The following EPHA6 variants were observed in gnomAD, a reference collection of about 807,000 sequenced individuals.
EPHA6 encodes ephrin type-A receptor 6.
A neutral mutation model predicts 112.0 loss-of-function variants in EPHA6; 50 were observed. The observed-to-expected ratio is 0.45, with a 90% CI of 0.36 to 0.56. The LOEUF (loss-of-function observed/expected upper bound fraction) is 0.56. Ranked by LOEUF, EPHA6 falls within the 20% of genes least tolerant of loss-of-function variation. The pLI is 0.00. For missense variants in EPHA6, 1,280 were observed against 1,417.4 expected, an observed-to-expected ratio of 0.90 and a Z score of 1.56; for synonymous variants, 529 against 490.7, an observed-to-expected ratio of 1.08 and a Z score of -1.03.
At chr3:97,112,327 A>C (rs1441392628) in intron 3 of EPHA6, among the ~76,000 whole-genome samples, 5 of 152,146 alleles carry the variant, frequency 3.3e-5, no homozygotes, top group Non-Finnish European at 5.9e-5. Flanking sequence ...ACAACCATTC[A>C]TGAGTTCTGT....
rs77035215 is a variant in EPHA6 at position 97,239,971 on chromosome 3, G to T, written c.1271-3981G>T. ...TACTGGCTGTCATTCTACCACTAAT[G>T]GACTGCATAACCTTAATGTAATTAT... On this transcript the variant is annotated intron_variant, in intron 4 of 17. Coordinates refer to ENST00000389672, the MANE Select transcript of EPHA6 (RefSeq NM_001080448.3). 5.3e-5 allele frequency among the ~76,000 whole-genome samples: 8 copies of T among 151,710 alleles called. No homozygotes were observed. In the East Asian group the frequency reaches 1.4e-3, roughly 26 times the overall value.
intron 3 of EPHA6, among the ~76,000 whole-genome samples, chr3:97,160,921 C>T (rs559755142): frequency 2.0e-5 from 3 of 152,236 alleles, no homozygotes; most frequent in South Asian, 4.2e-4. Context: ...CCAGGCTTTT[C>T]TTTTGTTTCA....
At chr3:96,944,951 A>G (rs1485986081) in intron 2 of EPHA6, among the ~76,000 whole-genome samples, 1 of 152,072 alleles carries the variant, frequency 6.6e-6, no homozygotes, top group Non-Finnish European at 1.5e-5. Flanking sequence ...AAAACAAACA[A>G]ACAACAAAAA....
rs191242131 is a variant in EPHA6 at position 96,897,989 on chromosome 3, G to A, written c.450+31100G>A. Among the ~76,000 whole-genome samples the A allele has an allele frequency of 5.3e-4, 81 of 152,106 alleles. No homozygotes were observed. The East Asian group carries it at 7.2e-3, about 13-fold the overall frequency. ...GGCAAAATATTTTATCCCTCATTGC[G>A]TAATTTTAAATCTTAAATATTTTAA... On this transcript the variant is annotated intron_variant, in intron 2 of 17. Coordinates refer to ENST00000389672, the MANE Select transcript of EPHA6 (RefSeq NM_001080448.3).
intron 7 of EPHA6, among the ~76,000 whole-genome samples, chr3:97,469,972 T>C (rs1053265771): frequency 1.3e-5 from 2 of 151,564 alleles, no homozygotes; most frequent in South Asian, 2.1e-4. Context: ...AAATGCAAAA[T>C]CAAGGATAAC....
At chr3:97,188,313 A>C (rs2077211037) in intron 3 of EPHA6, among the ~76,000 whole-genome samples, 1 of 152,090 alleles carries the variant, frequency 6.6e-6, no homozygotes, top group Admixed American at 6.6e-5. Context: ...AGCATGGATA[A>C]CTCAAGAATT....
chr3:97,010,767 T>C (rs2044057403), intron 3 of EPHA6, among the ~76,000 whole-genome samples: 1 of 152,216 alleles, frequency 6.6e-6, no homozygotes, highest in Admixed American at 6.5e-5. Flanking sequence ...CAAGTGATTC[T>C]TGTGCCTCAG....
chr3:97,547,771 C>T (rs559944506), intron 11 of EPHA6, among the ~76,000 whole-genome samples: 16 of 152,278 alleles, frequency 1.1e-4, no homozygotes, highest in South Asian at 2.1e-4. Flanking sequence ...GCAATGGTGG[C>T]GCCCCTCCCC....
chr3:97,010,070 GA>G, intron 3 of EPHA6: 1 of 1,292,372 alleles, frequency 7.7e-7, no homozygotes, highest in Non-Finnish European at 1.0e-6. Flanking sequence ...AACCTTTGAA[GA>G]ATAAAAGAAA....
chr3:96,922,077 G>A (rs1196107115), intron 2 of EPHA6, among the ~76,000 whole-genome samples: 1 of 152,032 alleles, frequency 6.6e-6, no homozygotes, highest in Non-Finnish European at 1.5e-5. Context: ...AAAACAGAAA[G>A]CCTTTTTAAG....
At chr3:97,224,792 A>G (rs1421904020) in intron 3 of EPHA6, among the ~76,000 whole-genome samples, 2 of 152,120 alleles carry the variant, frequency 1.3e-5, no homozygotes, top group Non-Finnish European at 2.9e-5. Flanking sequence ...CCACTGCAAT[A>G]TTTAGAATGT....
At chr3:97,582,731 G>C (rs2093450234) in intron 11 of EPHA6, among the ~76,000 whole-genome samples, 1 of 152,054 alleles carries the variant, frequency 6.6e-6, no homozygotes, top group African/African-American at 2.4e-5. Context: ...TAGTAACATG[G>C]AAATTAACCA....
chr3:97,567,030 T>C (rs941137090), intron 11 of EPHA6, among the ~76,000 whole-genome samples: 2 of 152,144 alleles, frequency 1.3e-5, no homozygotes, highest in African/African-American at 4.8e-5. Context: ...TTAAGGAAAA[T>C]CAATGTGCTC....
intron 11 of EPHA6, among the ~76,000 whole-genome samples, chr3:97,539,405 C>A (rs1048400679): frequency 6.6e-6 from 1 of 152,042 alleles, no homozygotes; most frequent in Non-Finnish European, 1.5e-5. Context: ...GTCTTGGCCA[C>A]GGGAAGTGCT....
intron 3 of EPHA6, among the ~76,000 whole-genome samples, chr3:97,005,054 C>T (rs1476626024): frequency 6.6e-6 from 1 of 152,130 alleles, no homozygotes. Flanking sequence ...TGTGATGCCT[C>T]CAGCTTTGTT....
At chr3:97,572,716 ACTTTCCTGAGGTGATGT>A (rs2093346769) in intron 11 of EPHA6, 12 of 152,158 alleles carry the variant, frequency 7.9e-5, no homozygotes, top group Non-Finnish European at 1.8e-4. Flanking sequence ...GAAGAGACCA[ACTTTCCTGAGGTGATGT>A]CTTCCTTGTT....
intron 14 of EPHA6, among the ~76,000 whole-genome samples, chr3:97,697,517 G>T (rs1410684262): frequency 6.6e-6 from 1 of 152,126 alleles, no homozygotes; most frequent in Non-Finnish European, 1.5e-5. Flanking sequence ...CTTAAAAGAT[G>T]AATGTGTCAC....
chr3:97,182,914 A>C (rs951202240), intron 3 of EPHA6, among the ~76,000 whole-genome samples: 1 of 152,110 alleles, frequency 6.6e-6, no homozygotes, highest in Non-Finnish European at 1.5e-5. Flanking sequence ...GAATAGATAA[A>C]GACAAAAATT....
rs2032601825 is a variant in EPHA6 at position 96,814,649 on chromosome 3, C to G, written c.26C>G (p.Ala9Gly). 3.4e-6 allele frequency: 5 copies of G among 1,474,230 alleles called. No individual in the cohort carries two copies. In the African/African-American group the frequency reaches 4.2e-5, roughly 13 times the overall value. 91.3% of individuals were successfully genotyped at this position (1,474,230 alleles called of 1,614,324 possible). Residue 9 changes from alanine to glycine, a missense_variant, in exon 1 of 18, where the codon GCG becomes GGG. Coordinates refer to ENST00000389672, the MANE Select transcript of EPHA6 (RefSeq NM_001080448.3). The part of the protein sequence containing the change: MQFPSPPA[A>G]RSSPAPQAAS... Reference sequence around the variant, plus strand: ...ATGCAATTCCCCTCGCCTCCAGCCGCGAGGAGCTCCCCGGCGCCGCAGGCA... The same window carrying G: ...ATGCAATTCCCCTCGCCTCCAGCCGGGAGGAGCTCCCCGGCGCCGCAGGCA...
Sources: gnomAD v4.1 joint callset for allele counts (sites outside exome capture counted in the v4.1 genomes callset) on GRCh38, gnomAD v4.1.1 for gene constraint, MANE v1.5 for transcripts, NCBI Gene and HGNC (gene_info 2026-07-23, HGNC 2026-07-21) for gene names.